Variants in PARD3 observed in about 807,000 individuals in gnomAD.
PARD3 encodes the protein par-3 family cell polarity regulator.
Under a neutral mutation model 155.4 loss-of-function variants are expected in PARD3, and 75 were observed. That is an observed-to-expected ratio of 0.48 (90% CI 0.40 to 0.58). PARD3 has a LOEUF of 0.58. Ranked by LOEUF, PARD3 falls within the 20% of genes least tolerant of loss-of-function variation. The pLI, the probability that PARD3 is intolerant of heterozygous loss-of-function variation, is 0.00. For missense variants in PARD3, 1,642 were observed against 1,721.7 expected, an observed-to-expected ratio of 0.95 and a Z score of 0.82; for synonymous variants, 576 against 610.5, an observed-to-expected ratio of 0.94 and a Z score of 0.83.
intron 22 of PARD3, among the ~76,000 whole-genome samples, chr10:34,155,012 T>G (rs1350094447): frequency 6.6e-6 from 1 of 152,110 alleles, no homozygotes; most frequent in African/African-American, 2.4e-5. Context: ...GACAAGACAT[T>G]AAGTGATAAA....
In PARD3 at chr10:34,111,313, G is replaced by T; in HGVS notation, c.3918C>A (p.Asn1306Lys). The part of the protein sequence containing the change: ...KKQPPSEGPS[N>K]YDSYKKVQDP... The stretch of plus-strand genomic sequence containing the variant: ...CCTGGACTTTCTTATACGAGTCATA[G>T]TTGCTGGGCCCCTCGGAAGGAGGCT... Residue 1306 changes from asparagine to lysine, a missense_variant, in exon 25 of 25, where the codon AAC becomes AAA. Physicochemically the swap from Asn to Lys is moderately conservative, Grantham distance 94. This residue lies in a region of PARD3 where 1,529 missense variants were observed against 1,587.3 expected (regional missense o/e 0.96). Transcript: ENST00000374788. The T allele has an allele frequency of 6.2e-7, 1 of 1,614,030 alleles. No homozygotes were observed. Among genetic ancestry groups the T allele is most frequent in the Non-Finnish European group, 8.5e-7 (1 of 1,179,928 alleles).
intron 22 of PARD3, among the ~76,000 whole-genome samples, chr10:34,141,814 C>A (rs1368906870): frequency 6.6e-6 from 1 of 152,114 alleles, no homozygotes; most frequent in Non-Finnish European, 1.5e-5. Context: ...TAAATACACA[C>A]AAGAAAGCCC....
chr10:34,160,571 C>T (rs762418903), intron 22 of PARD3, among the ~76,000 whole-genome samples: 1 of 152,220 alleles, frequency 6.6e-6, no homozygotes, highest in Non-Finnish European at 1.5e-5. Context: ...GCAAGTCACA[C>T]TACATTTTAC....
intron 1 of PARD3, among the ~76,000 whole-genome samples, chr10:34,767,699 T>C (rs768606681): frequency 5.3e-5 from 8 of 151,856 alleles, no homozygotes; most frequent in Non-Finnish European, 1.2e-4. Flanking sequence ...CCTGGGTTCA[T>C]GCGATTCTCC....
At chr10:34,197,546 T>C (rs1329293302) in intron 22 of PARD3, among the ~76,000 whole-genome samples, 1 of 152,328 alleles carries the variant, frequency 6.6e-6, no homozygotes, top group African/African-American at 2.4e-5. Flanking sequence ...TTAATGACTT[T>C]GGGACATAAA....
At chr10:34,661,937 G>A (rs2133154306) in intron 2 of PARD3, among the ~76,000 whole-genome samples, 1 of 152,276 alleles carries the variant, frequency 6.6e-6, no homozygotes, top group Non-Finnish European at 1.5e-5. Flanking sequence ...TTTCTACCTT[G>A]AAAGCCCCAC....
At chr10:34,521,102 A>G (rs1257391836) in intron 2 of PARD3, among the ~76,000 whole-genome samples, 1 of 152,238 alleles carries the variant, frequency 6.6e-6, no homozygotes, top group African/African-American at 2.4e-5. Flanking sequence ...ATTGAAAATT[A>G]CAAAGAATAA....
chr10:34,204,489 G>A (rs1248475309), intron 22 of PARD3, among the ~76,000 whole-genome samples: 1 of 152,036 alleles, frequency 6.6e-6, no homozygotes, highest in Admixed American at 6.5e-5. Context: ...TCCCCTTAAC[G>A]ACCTCCACCT....
intron 2 of PARD3, among the ~76,000 whole-genome samples, chr10:34,679,983 A>G (rs758898857): frequency 1.3e-5 from 2 of 152,128 alleles, no homozygotes; most frequent in Non-Finnish European, 2.9e-5. Flanking sequence ...TCTGTGTACA[A>G]TGTTCACTAT....
chr10:34,748,680 C>A (rs1162752312), intron 1 of PARD3, among the ~76,000 whole-genome samples: 1 of 152,038 alleles, frequency 6.6e-6, no homozygotes, highest in African/African-American at 2.4e-5. Context: ...CCAGCAAAAG[C>A]CTGGCTCACC....
In PARD3 at chr10:34,149,613, G is replaced by C. The variant is rs1315970611; in HGVS notation, c.3420-18030C>G. On this transcript the variant is annotated intron_variant, in intron 22 of 24. Coordinates refer to ENST00000374788, the MANE Select transcript of PARD3 (RefSeq NM_001184785.2). The stretch of plus-strand genomic sequence containing the variant: ...TTATACAGCACAATTTAATGCCAGA[G>C]AAGGTGTTGCTACAGATGATCTCAC... Among the ~76,000 whole-genome samples the C allele has an allele frequency of 2.0e-5, 3 of 152,126 alleles. No individual in the cohort carries two copies. In the East Asian group the frequency reaches 5.8e-4, roughly 29 times the overall value.
chr10:34,600,450 G>GA (rs1053784696), intron 2 of PARD3, among the ~76,000 whole-genome samples: 70 of 149,248 alleles, frequency 4.7e-4, no homozygotes, highest in South Asian at 1.1e-3. Context: ...TGTCTGAAAT[G>GA]AAAAAAAAAA....
intron 1 of PARD3, among the ~76,000 whole-genome samples, chr10:34,781,708 G>A (rs4934653): frequency 1 from 152,119 of 152,360 alleles, 75,940 homozygotes; most frequent in Middle Eastern, 1. Context: ...TTAATTAACA[G>A]TTTCCAACTG....
At chr10:34,178,926 G>C (rs943442994) in intron 22 of PARD3, among the ~76,000 whole-genome samples, 2 of 152,124 alleles carry the variant, frequency 1.3e-5, no homozygotes, top group African/African-American at 4.8e-5. Context: ...CAGGAAACAA[G>C]AATTAGTGTC....
Position 34,272,504 on chromosome 10 carries a change from C to T in PARD3, c.3177-2605G>A, listed in dbSNP as rs141745986. On this transcript the variant is annotated intron_variant, in intron 21 of 24. Coordinates refer to ENST00000374788, the MANE Select transcript of PARD3 (RefSeq NM_001184785.2). ...CAGCACTTTAGGAGGCTGATGGGGGCGTGCTGCTTGAGCCCAGGAGTTCTA... is the reference window on the plus strand; with the variant it reads ...CAGCACTTTAGGAGGCTGATGGGGGTGTGCTGCTTGAGCCCAGGAGTTCTA... Among the ~76,000 whole-genome samples, 1,217 of 152,120 alleles carry T rather than the reference C, an allele frequency of 8.0e-3. 17 individuals carry two copies. Among genetic ancestry groups the T allele is most frequent in the African/African-American group, 0.027 (1,136 of 41,514 alleles).
chr10:34,775,872 G>A (rs1447172652), intron 1 of PARD3, among the ~76,000 whole-genome samples: 3 of 152,082 alleles, frequency 2.0e-5, no homozygotes, highest in Non-Finnish European at 4.4e-5. Flanking sequence ...AAAGCAATAA[G>A]CAAAGCTATC....
At chr10:34,554,160 A>C (rs1235271510) in intron 2 of PARD3, among the ~76,000 whole-genome samples, 1 of 152,250 alleles carries the variant, frequency 6.6e-6, no homozygotes, top group African/African-American at 2.4e-5. Context: ...AAGAGACTTT[A>C]GGTTAAATGC....
At chr10:34,751,660 G>A (rs768244170) in intron 1 of PARD3, among the ~76,000 whole-genome samples, 1 of 151,964 alleles carries the variant, frequency 6.6e-6, no homozygotes, top group East Asian at 1.9e-4. Context: ...CTAGAGTGTT[G>A]TGGGGCCATC....
chr10:34,155,410 G>C (rs1165475588), intron 22 of PARD3, among the ~76,000 whole-genome samples: 1 of 152,170 alleles, frequency 6.6e-6, no homozygotes, highest in Non-Finnish European at 1.5e-5. Flanking sequence ...GCAAATGAAA[G>C]ATAACATTTT....
Sources: gnomAD v4.1 joint callset for allele counts (sites outside exome capture counted in the v4.1 genomes callset) on GRCh38, gnomAD v4.1.1 for gene constraint, gnomAD v4.1.1 regional missense constraint, MANE v1.5 for transcripts, NCBI Gene and HGNC (gene_info 2026-07-23, HGNC 2026-07-21) for gene names.